Variants in VAV2 observed in about 807,000 individuals in gnomAD.
The protein encoded by VAV2 is vav guanine nucleotide exchange factor 2, also known as guanine nucleotide exchange factor VAV2.
Under a neutral mutation model 132.5 loss-of-function variants are expected in VAV2, and 67 were observed. The ratio of observed to expected loss-of-function variants is 0.51; its 90% CI spans 0.42 to 0.62. VAV2 has a LOEUF of 0.62. VAV2 is among the 20% of genes least tolerant of loss of function. The pLI is 0.00. For synonymous variants in VAV2, 492 were observed against 443.5 expected (o/e 1.11, Z -1.37); for missense variants, 938 against 1,153.6 (o/e 0.81, Z 2.71).
At chr9:133,827,547 C>T (rs1304140551) in intron 4 of VAV2, among the ~76,000 whole-genome samples, 1 of 84,134 alleles carries the variant, frequency 1.2e-5, no homozygotes, top group Admixed American at 1.2e-4. Context: ...GCACGGGCAT[C>T]GCCAGCTACC....
At position 133,770,510 on chromosome 9, in the gene VAV2, C is replaced by T. The variant is rs375292052; in HGVS notation, c.2224-9G>A. 3.3e-4 allele frequency: 534 copies of T among 1,613,368 alleles called. 10 individuals carry two copies. Among genetic ancestry groups the T allele is most frequent in the South Asian group, 1.8e-3 (160 of 91,066 alleles). On this transcript the variant is annotated splice_polypyrimidine_tract_variant and intron_variant, in intron 26 of 29. Coordinates refer to ENST00000371850, the MANE Select transcript of VAV2 (RefSeq NM_001134398.2). ...TAGTACTCCACCAACTCCTGCAGGGCGTACACACTCACTGACAGCTGCTGC... is the reference window on the plus strand; with the variant it reads ...TAGTACTCCACCAACTCCTGCAGGGTGTACACACTCACTGACAGCTGCTGC...
intron 2 of VAV2, among the ~76,000 whole-genome samples, chr9:133,911,355 C>T (rs1564458681): frequency 6.6e-6 from 1 of 152,198 alleles, no homozygotes; most frequent in Non-Finnish European, 1.5e-5. Flanking sequence ...ACAGCCTGCA[C>T]ACGTGAAATG....
intron 1 of VAV2, among the ~76,000 whole-genome samples, chr9:133,947,951 G>T (rs1194141509): frequency 4.6e-5 from 7 of 151,846 alleles, no homozygotes; most frequent in Admixed American, 4.6e-4. Context: ...CACCAATGAC[G>T]AGCTAATTTT....
intron 2 of VAV2, among the ~76,000 whole-genome samples, chr9:133,893,137 C>G (rs1839046873): frequency 6.6e-6 from 1 of 152,202 alleles, no homozygotes; most frequent in Non-Finnish European, 1.5e-5. Flanking sequence ...ACTTACCAGA[C>G]AGCCTGAGTC....
intron 2 of VAV2, among the ~76,000 whole-genome samples, chr9:133,916,316 G>A (rs1336901689): frequency 2.0e-5 from 3 of 152,274 alleles, no homozygotes; most frequent in Non-Finnish European, 4.4e-5. Flanking sequence ...CGCGGAGCCT[G>A]TGACTTGCGC....
intron 3 of VAV2, among the ~76,000 whole-genome samples, chr9:133,847,453 G>C (rs1836979660): frequency 6.6e-6 from 1 of 152,234 alleles, no homozygotes; most frequent in African/African-American, 2.4e-5. Flanking sequence ...TAAAGGGGCA[G>C]TGGAGCCTCT....
At chr9:133,781,860 T>C (rs1202338682) in intron 19 of VAV2, among the ~76,000 whole-genome samples, 1 of 152,192 alleles carries the variant, frequency 6.6e-6, no homozygotes, top group Non-Finnish European at 1.5e-5. Context: ...CATGGGAGAA[T>C]GCAGACAGCA....
chr9:133,991,970 G>T lies in VAV2; in HGVS notation c.204+105C>A. ...CGCGTCCCGGAGCCCGGCCGCCCCA[G>T]CCAGGGCGCCTGGGCCGCCGCCGCT... On this transcript the variant is annotated intron_variant, in intron 1 of 29. Transcript: ENST00000371850. This position sits in a 1 kb window ranked among gnomAD's most constrained non-coding sequence, Gnocchi z 4.8. 3 of 1,016,364 alleles carry T rather than the reference G, an allele frequency of 3.0e-6. No individual in the cohort carries two copies. Among genetic ancestry groups the T allele is most frequent in the Non-Finnish European group, 3.7e-6 (3 of 813,098 alleles). 63.0% of individuals were successfully genotyped at this position (1,016,364 alleles called of 1,614,324 possible).
intron 2 of VAV2, 130 bp from the exon 3 acceptor site, chr9:133,861,562 C>G: frequency 1.0e-6 from 1 of 966,076 alleles, no homozygotes; most frequent in Non-Finnish European, 1.5e-6. Flanking sequence ...GTAAGAAACA[C>G]GGCATAGCGT....
At chr9:133,812,321 C>T (rs1835390900) in intron 4 of VAV2, 105 bp from the exon 5 acceptor site, 3 of 1,090,668 alleles carry the variant, frequency 2.8e-6, no homozygotes, top group Admixed American at 3.8e-5. Flanking sequence ...GCTGGGGCCA[C>T]AGCGAGGTCA....
At chr9:133,800,153 G>C (rs1834876352) in intron 9 of VAV2, among the ~76,000 whole-genome samples, 1 of 152,182 alleles carries the variant, frequency 6.6e-6, no homozygotes, top group Non-Finnish European at 1.5e-5. Flanking sequence ...GCTGTCCTAG[G>C]GCTGCACTGC....
intron 4 of VAV2, among the ~76,000 whole-genome samples, chr9:133,829,993 T>A (rs1266802300): frequency 6.6e-6 from 1 of 152,060 alleles, no homozygotes; most frequent in Non-Finnish European, 1.5e-5. Context: ...ACAGAGAGTG[T>A]TTAGGAACCA....
At chr9:133,830,875 A>G (rs1031209236) in intron 4 of VAV2, among the ~76,000 whole-genome samples, 29 of 152,212 alleles carry the variant, frequency 1.9e-4, no homozygotes, top group Non-Finnish European at 3.5e-4. Context: ...TAAAAAATTT[A>G]TTAAACTTGA....
At chr9:133,963,922 C>T (rs995211901) in intron 1 of VAV2, among the ~76,000 whole-genome samples, 5 of 151,074 alleles carry the variant, frequency 3.3e-5, no homozygotes, top group African/African-American at 1.2e-4. Flanking sequence ...TATAGCACAG[C>T]CCAGTTCTGT....
chr9:133,853,056 G>C (rs764534641), intron 3 of VAV2, among the ~76,000 whole-genome samples: 1 of 152,146 alleles, frequency 6.6e-6, no homozygotes, highest in Non-Finnish European at 1.5e-5. Flanking sequence ...CCAGGTCTAG[G>C]AGGTGGCAAG....
intron 12 of VAV2, among the ~76,000 whole-genome samples, chr9:133,792,423 C>T (rs1282284050): frequency 7.1e-6 from 1 of 140,094 alleles, no homozygotes; most frequent in African/African-American, 2.7e-5. Context: ...TGTGTGAGAA[C>T]ATGTGTGTCT....
At chr9:133,920,572 T>C (rs1305318964) in intron 2 of VAV2, among the ~76,000 whole-genome samples, 1 of 152,060 alleles carries the variant, frequency 6.6e-6, no homozygotes, top group East Asian at 1.9e-4. Context: ...GCGTCGCTGA[T>C]ACCAGCAGGG....
intron 4 of VAV2, among the ~76,000 whole-genome samples, chr9:133,829,639 A>T (rs1177534378): frequency 6.7e-6 from 1 of 148,936 alleles, no homozygotes. Context: ...TATAACATAC[A>T]TTTTTTTTTT....
At position 133,939,194 on chromosome 9, in the gene VAV2, G is replaced by C; in HGVS notation, c.230C>G (p.Thr77Ser). ...TTTATCGTGGCAGACTTTCAGGAAG[G>C]TGCGTATGTTCTTCAAACACAGAAA... is the stretch of plus-strand genomic sequence containing the variant. Reference protein sequence around the residue: ...SQFLCLKNIRTFLKVCHDKFG... With the variant: ...SQFLCLKNIRSFLKVCHDKFG... Residue 77 changes from threonine to serine, a missense_variant, in exon 2 of 30, where the codon ACC (threonine) becomes AGC (serine). Thr to Ser is a moderately conservative substitution (Grantham distance 58). Coordinates refer to ENST00000371850, the MANE Select transcript of VAV2 (RefSeq NM_001134398.2). The C allele has an allele frequency of 6.2e-7, 1 of 1,614,256 alleles. No homozygotes were observed. The highest frequency in any genetic ancestry group is 8.5e-7 in the Non-Finnish European group (1 of 1,180,044).
Sources: gnomAD v4.1 joint callset for allele counts (sites outside exome capture counted in the v4.1 genomes callset) on GRCh38, gnomAD v4.1.1 for gene constraint, Gnocchi (gnomAD v3.1) non-coding constraint, MANE v1.5 for transcripts, NCBI Gene and HGNC (gene_info 2026-07-23, HGNC 2026-07-21) for gene names.